Variants in CSNK2A2IP observed in about 807,000 individuals in gnomAD.
CSNK2A2IP encodes the protein casein kinase II subunit alpha'-interacting protein.
the CSNK2A2IP span, among the ~76,000 whole-genome samples, chr3:88,407,914 G>C: frequency 6.6e-6 from 1 of 151,806 alleles, no homozygotes; most frequent in Non-Finnish European, 1.5e-5. Flanking sequence ...AATAGAGACG[G>C]GTTTCACCAT....
chr3:88,384,223 T>C, the CSNK2A2IP span, among the ~76,000 whole-genome samples: 22 of 151,912 alleles, frequency 1.4e-4, no homozygotes, highest in African/African-American at 4.8e-4. Context: ...AAGATAAACA[T>C]TGTGAAAAAT....
At chr3:88,389,234 T>TA in the CSNK2A2IP span, among the ~76,000 whole-genome samples, 1,325 of 120,802 alleles carry the variant, frequency 0.011, 3 homozygotes, top group Non-Finnish European at 0.019. Context: ...AACATTTAAT[T>TA]TAAAAAAAAA....
At chr3:88,367,012 AC>A in the CSNK2A2IP span, among the ~76,000 whole-genome samples, 1 of 152,070 alleles carries the variant, frequency 6.6e-6, no homozygotes, top group Non-Finnish European at 1.5e-5. Context: ...GGAAACCGCC[AC>A]CATGATTCAA....
At chr3:88,419,531 T>C in the CSNK2A2IP span, among the ~76,000 whole-genome samples, 1 of 152,172 alleles carries the variant, frequency 6.6e-6, no homozygotes, top group Admixed American at 6.5e-5. Context: ...GTTAATTCCA[T>C]GTCTTTGCTA....
the CSNK2A2IP span, among the ~76,000 whole-genome samples, chr3:88,419,933 G>A: frequency 4.8e-3 from 724 of 152,282 alleles, 4 homozygotes; most frequent in African/African-American, 0.017. Flanking sequence ...AAGGCTCTAA[G>A]GGAGTTACGA....
At chr3:88,407,292 C>CAAAA in the CSNK2A2IP span, among the ~76,000 whole-genome samples, 9 of 102,928 alleles carry the variant, frequency 8.7e-5, no homozygotes, top group African/African-American at 1.9e-4. Flanking sequence ...CAGAAAAGTC[C>CAAAA]AAAAAAAAAA....
chr3:88,350,671 C>A, the CSNK2A2IP span, among the ~76,000 whole-genome samples: 2 of 151,124 alleles, frequency 1.3e-5, no homozygotes, highest in Non-Finnish European at 2.9e-5. Flanking sequence ...ATCAGACTAT[C>A]CTTCATCTTT....
the CSNK2A2IP span, among the ~76,000 whole-genome samples, chr3:88,444,677 A>G: frequency 6.6e-6 from 1 of 152,204 alleles, no homozygotes; most frequent in African/African-American, 2.4e-5. Flanking sequence ...CTGAAATCTA[A>G]TCATTTTCAT....
the CSNK2A2IP span, among the ~76,000 whole-genome samples, chr3:88,404,655 C>T: frequency 4.9e-5 from 6 of 123,614 alleles, no homozygotes; most frequent in African/African-American, 1.6e-4. Flanking sequence ...ACAACTCCAT[C>T]ATTCTGAGTT....
At chr3:88,387,171 T>G in the CSNK2A2IP span, among the ~76,000 whole-genome samples, 1 of 151,544 alleles carries the variant, frequency 6.6e-6, no homozygotes, top group African/African-American at 2.4e-5. Context: ...TGCTTTTTTT[T>G]TTTTTTTTTG....
the CSNK2A2IP span, among the ~76,000 whole-genome samples, chr3:88,402,187 C>T: frequency 6.6e-6 from 1 of 151,962 alleles, no homozygotes; most frequent in Non-Finnish European, 1.5e-5. Context: ...TTTATTGTAA[C>T]TTTGGCTTTT....
At chr3:88,350,210 G>T in the CSNK2A2IP span, among the ~76,000 whole-genome samples, 4 of 152,032 alleles carry the variant, frequency 2.6e-5, no homozygotes, top group Non-Finnish European at 5.9e-5. Context: ...CCTTTCTCAT[G>T]AAACTCATTT....
the CSNK2A2IP span, among the ~76,000 whole-genome samples, chr3:88,436,068 A>G: frequency 6.6e-6 from 1 of 152,054 alleles, no homozygotes; most frequent in East Asian, 1.9e-4. Context: ...AGGGACAGTC[A>G]TAATGCAAGA....
the CSNK2A2IP span, among the ~76,000 whole-genome samples, chr3:88,398,600 C>T: frequency 2.0e-5 from 3 of 152,178 alleles, no homozygotes; most frequent in African/African-American, 7.2e-5. Flanking sequence ...CTCTGCTGGG[C>T]TTATTTTTAG....
chr3:88,457,791 A>G, the CSNK2A2IP span, among the ~76,000 whole-genome samples: 18 of 151,572 alleles, frequency 1.2e-4, no homozygotes, highest in Non-Finnish European at 1.3e-4. Context: ...TTGAAAATAA[A>G]TCCTCCATTT....
chr3:88,453,361 G>T, the CSNK2A2IP span, among the ~76,000 whole-genome samples: 2 of 152,050 alleles, frequency 1.3e-5, no homozygotes, highest in Non-Finnish European at 2.9e-5. Context: ...ACAATGCTAG[G>T]TTGCTCTGGA....
At chr3:88,338,957 T>C in the CSNK2A2IP span, among the ~76,000 whole-genome samples, 1 of 152,160 alleles carries the variant, frequency 6.6e-6, no homozygotes, top group Non-Finnish European at 1.5e-5. Flanking sequence ...TGTCTGTATG[T>C]ATGCGGTACA....
the CSNK2A2IP span, among the ~76,000 whole-genome samples, chr3:88,357,572 G>T: frequency 6.6e-6 from 1 of 152,002 alleles, no homozygotes; most frequent in African/African-American, 2.4e-5. Flanking sequence ...GTCTTTTGAG[G>T]TTCCACATAA....
At chr3:88,381,769 TAA>T in the CSNK2A2IP span, among the ~76,000 whole-genome samples, 1 of 152,210 alleles carries the variant, frequency 6.6e-6, no homozygotes, top group African/African-American at 2.4e-5. Flanking sequence ...GAGATTCCTA[TAA>T]GATTGGTTTC....
Sources: allele counts gnomAD v4.1 joint callset (sites outside exome capture counted in the v4.1 genomes callset), GRCh38; gene constraint gnomAD v4.1.1; transcripts MANE v1.5; gene names NCBI Gene and HGNC (gene_info 2026-07-23, HGNC 2026-07-21).